Variants in ARSJ observed in about 807,000 individuals in gnomAD.
The protein encoded by ARSJ is arylsulfatase J.
Under a neutral mutation model 35.9 loss-of-function variants are expected in ARSJ, and 26 were observed. The ratio of observed to expected loss-of-function variants is 0.72; its 90% CI spans 0.53 to 1.00. The LOEUF (loss-of-function observed/expected upper bound fraction) is 1.00, where lower values mean the gene tolerates loss of function less well. Ranked by LOEUF, ARSJ falls within the 50% of genes least tolerant of loss-of-function variation. The probability of loss-of-function intolerance (pLI) is 0.00; values close to 1 mark genes in which losing one functional copy is unlikely to be tolerated. For missense variants in ARSJ, 667 were observed against 723.6 expected, an observed-to-expected ratio of 0.92 and a Z score of 0.90; for synonymous variants, 294 against 267.6, an observed-to-expected ratio of 1.10 and a Z score of -0.96.
At chr4:113,943,379 T>C (rs1020743617) in intron 1 of ARSJ, 2 of 152,076 alleles carry the variant, frequency 1.3e-5, no homozygotes, top group African/African-American at 4.8e-5. Context: ...TTCCATCACA[T>C]GCCAGGAAGC....
At chr4:113,963,986 T>C (rs1726731331) in intron 1 of ARSJ, among the ~76,000 whole-genome samples, 1 of 152,046 alleles carries the variant, frequency 6.6e-6, no homozygotes, top group Non-Finnish European at 1.5e-5. Context: ...GCTTTTTTTT[T>C]GTTTTATTAT....
At chr4:113,934,965 T>C (rs1562353509) in intron 1 of ARSJ, among the ~76,000 whole-genome samples, 1 of 151,816 alleles carries the variant, frequency 6.6e-6, no homozygotes, top group Non-Finnish European at 1.5e-5. Context: ...TAGAAATTAA[T>C]CTATTTTCTT....
intron 1 of ARSJ, among the ~76,000 whole-genome samples, chr4:113,963,247 A>G (rs191594570): frequency 6.6e-6 from 1 of 152,132 alleles, no homozygotes; most frequent in Admixed American, 6.6e-5. Context: ...CAACTTATAT[A>G]TTTCCCAGTG....
chr4:113,973,074 C>T (rs1451968796), intron 1 of ARSJ, among the ~76,000 whole-genome samples: 3 of 152,306 alleles, frequency 2.0e-5, no homozygotes, highest in Middle Eastern at 3.4e-3. Context: ...GGCTCGCTGT[C>T]GTCTTTGCTA....
chr4:113,907,340 G>A (rs981751586), intron 1 of ARSJ, among the ~76,000 whole-genome samples: 4 of 152,138 alleles, frequency 2.6e-5, no homozygotes, highest in African/African-American at 9.7e-5. Context: ...GTCCTGCCAA[G>A]TTAGCTTCAT....
intron 1 of ARSJ, among the ~76,000 whole-genome samples, chr4:113,973,239 G>A (rs1727387221): frequency 1.3e-5 from 2 of 152,174 alleles, no homozygotes; most frequent in Admixed American, 6.5e-5. Flanking sequence ...TTCAAAACCT[G>A]TACTACATAA....
chr4:113,969,897 T>C (rs1194170803), intron 1 of ARSJ, among the ~76,000 whole-genome samples: 2 of 152,226 alleles, frequency 1.3e-5, no homozygotes, highest in Non-Finnish European at 2.9e-5. Flanking sequence ...TAAATCAGCT[T>C]TGCTGCTTAG....
chr4:113,926,833 C>T (rs4397064), intron 1 of ARSJ, among the ~76,000 whole-genome samples: 109,967 of 151,970 alleles, frequency 0.72, 40,331 homozygotes, highest in East Asian at 0.81. Flanking sequence ...AAGAGCTGTC[C>T]CTCAAAAGGA....
intron 1 of ARSJ, among the ~76,000 whole-genome samples, chr4:113,955,579 G>A (rs1726126935): frequency 6.6e-6 from 1 of 152,006 alleles, no homozygotes; most frequent in Non-Finnish European, 1.5e-5. Context: ...ATCCATATGG[G>A]TAGAACTCAA....
At chr4:113,975,461 T>A (rs1465703854) in intron 1 of ARSJ, among the ~76,000 whole-genome samples, 1 of 152,186 alleles carries the variant, frequency 6.6e-6, no homozygotes, top group East Asian at 1.9e-4. Context: ...ATATTTTTAA[T>A]CCATATCTTT....
In ARSJ at chr4:113,902,511, C is replaced by G. The variant is rs61730233; in HGVS notation, c.1563G>C (p.Arg521=). The change falls in exon 2 of 2, where the codon CGG becomes CGC. Residue 521 remains arginine, a synonymous_variant. Coordinates refer to ENST00000315366, the MANE Select transcript of ARSJ (RefSeq NM_024590.4). ...CAGTTTTGTTGAACTGTGAGAGCCT[C>G]CGTAGGAGCTTCTTCACGATTCCTG... ...RYPGIVKKLL[R]RLSQFNKTAV... 1.2e-6 allele frequency: 2 copies of G among 1,614,108 alleles called. No individual in the cohort carries two copies. Among genetic ancestry groups the G allele is most frequent in the Non-Finnish European group, 1.7e-6 (2 of 1,180,018 alleles).
chr4:113,940,769 T>C (rs1232243083), intron 1 of ARSJ, among the ~76,000 whole-genome samples: 2 of 152,028 alleles, frequency 1.3e-5, no homozygotes, highest in Non-Finnish European at 2.9e-5. Flanking sequence ...TATTAAATAG[T>C]AAATTCAACA....
intron 1 of ARSJ, among the ~76,000 whole-genome samples, chr4:113,949,214 C>T (rs1725700467): frequency 6.6e-6 from 1 of 151,980 alleles, no homozygotes; most frequent in Non-Finnish European, 1.5e-5. Context: ...GGAGGGATAG[C>T]ATTAGGAGAA....
chr4:113,970,678 G>C (rs1401430047), intron 1 of ARSJ, among the ~76,000 whole-genome samples: 1 of 152,106 alleles, frequency 6.6e-6, no homozygotes, highest in African/African-American at 2.4e-5. Flanking sequence ...AGAGGGGCTG[G>C]GCAAGGTGGC....
intron 1 of ARSJ, among the ~76,000 whole-genome samples, chr4:113,956,048 C>T (rs936857769): frequency 1.3e-5 from 2 of 152,056 alleles, no homozygotes; most frequent in Non-Finnish European, 2.9e-5. Context: ...CTCCTTGCCT[C>T]AAGTGATCCT....
intron 1 of ARSJ, among the ~76,000 whole-genome samples, chr4:113,958,677 G>A (rs966174261): frequency 2.0e-5 from 3 of 152,012 alleles, no homozygotes; most frequent in Non-Finnish European, 4.4e-5. Context: ...TGGAAGGTTG[G>A]GAGAAGGATG....
rs111339489 is a variant in ARSJ at position 113,977,426 on chromosome 4, A to G, written c.398+1011T>C. Among the ~76,000 whole-genome samples, 1,290 of 152,326 alleles carry G rather than the reference A, an allele frequency of 8.5e-3. 14 individuals are homozygous for G. The highest frequency in any genetic ancestry group is 0.029 in the African/African-American group (1,207 of 41,572). On this transcript the variant is annotated intron_variant, in intron 1 of 1. Coordinates refer to ENST00000315366, the MANE Select transcript of ARSJ (RefSeq NM_024590.4). ...TTACAAAATAGTCTTTATTTTTCCA[A>G]TGGATACTGGCTACTTTTATAGGAT... is the stretch of plus-strand genomic sequence containing the variant.
chr4:113,925,767 T>C (rs182960868), intron 1 of ARSJ, among the ~76,000 whole-genome samples: 1 of 152,270 alleles, frequency 6.6e-6, no homozygotes, highest in East Asian at 1.9e-4. Context: ...AACCCATATC[T>C]GGAGTAAATG....
rs1339734842 is a variant in ARSJ, at chr4:113,903,211, A to G, written c.863T>C (p.Ile288Thr). ...CATGGCAGCATATCTCCTCCTGTTT[A>G]TGTTGATAATGGATCGGTAGTGTTC... ...YFEHYRSIININRRRYAAMLS... is the reference protein window; with the variant it reads ...YFEHYRSIINTNRRRYAAMLS... Residue 288 changes from isoleucine (I) to threonine (T), a missense_variant, in exon 2 of 2, where the codon ATA (isoleucine) becomes ACA (threonine). Transcript: ENST00000315366. 6.2e-7 allele frequency: 1 copy of G among 1,614,060 alleles called. No homozygotes were observed. The highest frequency in any genetic ancestry group is 2.2e-5 in the East Asian group (1 of 44,894).
Sources: gnomAD v4.1 joint callset for allele counts (sites outside exome capture counted in the v4.1 genomes callset) on GRCh38, gnomAD v4.1.1 for gene constraint, MANE v1.5 for transcripts, NCBI Gene and HGNC (gene_info 2026-07-23, HGNC 2026-07-21) for gene names.